The following RBFOX1 variants were observed in gnomAD, a reference collection of about 807,000 sequenced individuals.
RBFOX1 encodes RNA binding fox-1 homolog 1.
Under a neutral mutation model 57.7 loss-of-function variants are expected in RBFOX1, and 8 were observed. The ratio of observed to expected loss-of-function variants is 0.14; its 90% CI spans 0.08 to 0.25. The LOEUF (loss-of-function observed/expected upper bound fraction) is 0.25, where lower values mean the gene tolerates loss of function less well. Among genes scored for constraint, RBFOX1 ranks in the 10% least tolerant of loss-of-function variants. RBFOX1 has a pLI of 1.00. For missense variants in RBFOX1, 611 were observed against 548.5 expected, an observed-to-expected ratio of 1.11 and a Z score of -1.14; for synonymous variants, 326 against 222.4, an observed-to-expected ratio of 1.47 and a Z score of -4.15.
chr16:7,608,852 A>G (rs1456739615), intron 10 of RBFOX1, among the ~76,000 whole-genome samples: 1 of 152,224 alleles, frequency 6.6e-6, no homozygotes, highest in African/African-American at 2.4e-5. Context: ...AGGAAGGCAA[A>G]GTTAGCTGCA....
intron 1 of RBFOX1, among the ~76,000 whole-genome samples, chr16:6,252,086 C>T (rs78055201): frequency 6.6e-6 from 1 of 152,194 alleles, no homozygotes; most frequent in African/African-American, 2.4e-5. Flanking sequence ...TCTAAGCATC[C>T]TCATGTTCTT....
chr16:5,795,434 G>A (rs887561391), intron 3 of RBFOX1, among the ~76,000 whole-genome samples: 2 of 152,022 alleles, frequency 1.3e-5, no homozygotes, highest in Admixed American at 1.3e-4. Context: ...CTCCCGAGTA[G>A]TGGGACCACA....
At chr16:6,781,988 G>A (rs980691183) in intron 3 of RBFOX1, among the ~76,000 whole-genome samples, 6 of 151,966 alleles carry the variant, frequency 3.9e-5, no homozygotes, top group African/African-American at 1.2e-4. Flanking sequence ...TGCAGTTTTA[G>A]GTTTTTTGTT....
chr16:7,108,722 G>C (rs1246242800), intron 4 of RBFOX1, among the ~76,000 whole-genome samples: 2 of 152,144 alleles, frequency 1.3e-5, no homozygotes, highest in Non-Finnish European at 2.9e-5. Flanking sequence ...TTGATCCTCT[G>C]ATAGCACTAG....
intron 2 of RBFOX1, among the ~76,000 whole-genome samples, chr16:5,486,662 T>C (rs932314233): frequency 2.0e-4 from 31 of 152,166 alleles, no homozygotes; most frequent in African/African-American, 7.5e-4. Context: ...CAGGTCTCAG[T>C]CTTGTGCCCT....
At position 6,727,961 on chromosome 16, in the gene RBFOX1, A is replaced by G. The variant is rs116276669; in HGVS notation, c.-16+73311A>G. Among the ~76,000 whole-genome samples the G allele has an allele frequency of 5.1e-3, 771 of 152,302 alleles. 9 individuals carry two copies. Among genetic ancestry groups the G allele is most frequent in the African/African-American group, 0.018 (730 of 41,562 alleles). On this transcript the variant is annotated intron_variant, in intron 3 of 15. Coordinates refer to ENST00000550418, the MANE Select transcript of RBFOX1 (RefSeq NM_018723.4). ...CGTACGCACAGAGATGAAGGGAAGA[A>G]AATTATTTTGGTCTCTTTAAATTCC...
intron 3 of RBFOX1, among the ~76,000 whole-genome samples, chr16:6,921,633 A>G (rs1010128692): frequency 6.5e-5 from 4 of 61,128 alleles, no homozygotes; most frequent in Admixed American, 3.1e-4. Context: ...CTGTATATAT[A>G]TATATATATA....
intron 3 of RBFOX1, among the ~76,000 whole-genome samples, chr16:6,820,695 G>A (rs1430497073): frequency 1.4e-5 from 2 of 141,864 alleles, no homozygotes; most frequent in Non-Finnish European, 3.2e-5. Flanking sequence ...AACAAAAACC[G>A]AAAACTGCAG....
chr16:5,746,963 C>T (rs1056447682), intron 3 of RBFOX1, among the ~76,000 whole-genome samples: 2 of 152,188 alleles, frequency 1.3e-5, no homozygotes, highest in Admixed American at 6.5e-5. Flanking sequence ...CTGGCCAGAA[C>T]TTCCAACACT....
chr16:7,160,495 A>C (rs2078084551), intron 4 of RBFOX1, among the ~76,000 whole-genome samples: 1 of 151,606 alleles, frequency 6.6e-6, no homozygotes, highest in Non-Finnish European at 1.5e-5. Context: ...CATTTTATAC[A>C]TATAGATAAA....
intron 5 of RBFOX1, among the ~76,000 whole-genome samples, chr16:7,540,628 G>C (rs2082666214): frequency 6.6e-6 from 1 of 152,144 alleles, no homozygotes; most frequent in Admixed American, 6.5e-5. Flanking sequence ...GGACATAAAA[G>C]ATGTCCGTAA....
intron 1 of RBFOX1, among the ~76,000 whole-genome samples, chr16:6,177,310 T>C (rs541823600): frequency 6.6e-5 from 10 of 152,070 alleles, no homozygotes; most frequent in African/African-American, 2.4e-4. Flanking sequence ...TCTTTCTCCC[T>C]TTGCCCTCCA....
At chr16:6,385,401 C>T (rs1020073204) in intron 2 of RBFOX1, among the ~76,000 whole-genome samples, 1 of 152,106 alleles carries the variant, frequency 6.6e-6, no homozygotes, top group Non-Finnish European at 1.5e-5. Flanking sequence ...CCTCTTTTGC[C>T]CAGGCTGGAG....
intron 1 of RBFOX1, among the ~76,000 whole-genome samples, chr16:5,371,579 T>G (rs1403591878): frequency 2.0e-5 from 3 of 152,234 alleles, no homozygotes; most frequent in Non-Finnish European, 4.4e-5. Context: ...TCCCTTGTAA[T>G]GAGTGCTTAT....
intron 3 of RBFOX1, among the ~76,000 whole-genome samples, chr16:6,936,105 T>C (rs780469860): frequency 6.6e-6 from 1 of 152,192 alleles, no homozygotes; most frequent in Admixed American, 6.6e-5. Flanking sequence ...AGGTTCACTT[T>C]TTGCTCCGGG....
At chr16:5,978,656 T>TA (rs1567213877) in intron 4 of RBFOX1, among the ~76,000 whole-genome samples, 5 of 126,040 alleles carry the variant, frequency 4.0e-5, no homozygotes, top group Admixed American at 3.2e-4. Flanking sequence ...AGTCTCAAAG[T>TA]GTTTTTTTTG....
At chr16:6,723,103 G>GT (rs1247491380) in intron 3 of RBFOX1, among the ~76,000 whole-genome samples, 3 of 152,184 alleles carry the variant, frequency 2.0e-5, no homozygotes, top group African/African-American at 7.2e-5. Flanking sequence ...GGACACCAGA[G>GT]TTTTCACAAC....
chr16:7,101,917 G>C (rs544945441), intron 4 of RBFOX1, among the ~76,000 whole-genome samples: 64 of 152,218 alleles, frequency 4.2e-4, no homozygotes, highest in Non-Finnish European at 6.2e-4. Flanking sequence ...GTGTTTACGA[G>C]GATTGAAGCA....
chr16:7,151,702 C>T (rs1056063376), intron 4 of RBFOX1, among the ~76,000 whole-genome samples: 3 of 152,030 alleles, frequency 2.0e-5, no homozygotes, highest in African/African-American at 7.3e-5. Context: ...ACACAACTCA[C>T]CATAATGTAG....
Sources: gnomAD v4.1 joint callset for allele counts (sites outside exome capture counted in the v4.1 genomes callset) on GRCh38, gnomAD v4.1.1 for gene constraint, MANE v1.5 for transcripts, NCBI Gene and HGNC (gene_info 2026-07-23, HGNC 2026-07-21) for gene names.